ESR2: variants seen among roughly 807,000 people sequenced by gnomAD.
ESR2 encodes the protein estrogen receptor 2, also known as estrogen receptor beta.
A neutral mutation model predicts 49.6 loss-of-function variants in ESR2; 36 were observed. The ratio of observed to expected loss-of-function variants is 0.73; its 90% CI spans 0.56 to 0.96. The LOEUF is 0.96. Among genes scored for constraint, ESR2 ranks in the 40% least tolerant of loss-of-function variants. The pLI, the probability that ESR2 is intolerant of heterozygous loss-of-function variation, is 0.00. For missense variants in ESR2, 714 were observed against 693.0 expected (o/e 1.03, Z -0.34); for synonymous variants, 320 against 266.1 (o/e 1.20, Z -1.97).
intron 5 of ESR2, among the ~76,000 whole-genome samples, chr14:64,258,878 T>A (rs1252833339): frequency 6.6e-6 from 1 of 152,150 alleles, no homozygotes; most frequent in Non-Finnish European, 1.5e-5. Flanking sequence ...ATTTTTTGGT[T>A]TGGACAATGA....
chr14:64,260,018 A>T (rs1207735070), intron 5 of ESR2, among the ~76,000 whole-genome samples: 7 of 152,108 alleles, frequency 4.6e-5, no homozygotes, highest in Admixed American at 4.6e-4. Context: ...GAGCCTAGGT[A>T]GGTTCCCTGG....
At chr14:64,312,269 A>C (rs1242850596) in intron 1 of ESR2, among the ~76,000 whole-genome samples, 2 of 152,238 alleles carry the variant, frequency 1.3e-5, no homozygotes, top group African/African-American at 4.8e-5. Flanking sequence ...AAAATGTTTC[A>C]GGAACAAGCA....
intron 1 of ESR2, among the ~76,000 whole-genome samples, chr14:64,309,157 T>A (rs143284927): frequency 1.3e-5 from 2 of 152,150 alleles, no homozygotes; most frequent in Admixed American, 1.3e-4. Flanking sequence ...ACCACAAAAG[T>A]GGAATTATCT....
intron 7 of ESR2, among the ~76,000 whole-genome samples, chr14:64,244,408 A>G (rs1596379459): frequency 6.6e-6 from 1 of 152,116 alleles, no homozygotes; most frequent in East Asian, 1.9e-4. Flanking sequence ...TCAAAAAAAA[A>G]AAAAAAGAAA....
At chr14:64,332,420 A>C (rs1021853961) in intron 1 of ESR2, 4 of 152,204 alleles carry the variant, frequency 2.6e-5, no homozygotes, top group African/African-American at 9.6e-5. Flanking sequence ...ATCTGGATAG[A>C]AAAGCTTTTC....
At chr14:64,277,544 G>A (rs1468198798) in intron 3 of ESR2, among the ~76,000 whole-genome samples, 1 of 146,214 alleles carries the variant, frequency 6.8e-6, no homozygotes, top group East Asian at 2.1e-4. Context: ...AGAATGGTGT[G>A]AATCTGGGAG....
At chr14:64,245,372 C>T (rs897417011) in intron 7 of ESR2, among the ~76,000 whole-genome samples, 12 of 151,670 alleles carry the variant, frequency 7.9e-5, no homozygotes, top group South Asian at 2.1e-4. Context: ...ATTAGCCAGG[C>T]GTGGTGGTGG....
intron 1 of ESR2, among the ~76,000 whole-genome samples, chr14:64,310,286 A>AAAAAAAAAATAAAAAATAATAAT (rs1555595498): frequency 8.4e-5 from 12 of 142,468 alleles, no homozygotes; most frequent in African/African-American, 3.2e-4. Context: ...TCGTCTCAAA[A>AAAAAAAAAATAAAAAATAATAAT]AATAATAATA....
chr14:64,230,043 G>A lies in ESR2; in HGVS notation c.*3094C>T, dbSNP rs775100874. On this transcript the variant is annotated 3_prime_UTR_variant, in exon 9 of 9. Coordinates refer to ENST00000341099, the MANE Select transcript of ESR2 (RefSeq NM_001437.3). ...ATATTAAAAGAATTAGCCAGGAGTG[G>A]TGGTGTGCACCCCAGCTACTCGGCG... Among the ~76,000 whole-genome samples, 5 of 151,928 alleles carry A rather than the reference G, an allele frequency of 3.3e-5. No individual in the cohort carries two copies. The highest frequency in any genetic ancestry group is 6.6e-5 in the Admixed American group (1 of 15,252).
chr14:64,234,977 G>C lies in ESR2; in HGVS notation c.1399C>G (p.His467Asp). 1 of 1,614,098 alleles carries C rather than the reference G, an allele frequency of 6.2e-7. No homozygotes were observed. The highest frequency in any genetic ancestry group is 8.5e-7 in the Non-Finnish European group (1 of 1,179,968). ...GCTCCTTAGGGCGCGTACCTCGCAT[G>C]CCTGACGTGGGACAGGAGCATCAGG... ...NLLMLLSHVR[H>D]ASNKGMEHLL... The change falls in exon 8 of 9, where the codon CAT becomes GAT. Residue 467 changes from histidine to aspartate, a missense_variant. Physicochemically the swap from His to Asp is moderately conservative, Grantham distance 81. Transcript: ENST00000341099.
intron 7 of ESR2, among the ~76,000 whole-genome samples, chr14:64,236,574 A>T (rs769750060): frequency 2.0e-5 from 3 of 151,986 alleles, no homozygotes; most frequent in Non-Finnish European, 4.4e-5. Flanking sequence ...CGCTTCTCTC[A>T]TCTGCAGTTC....
upstream of ESR2, among the ~76,000 whole-genome samples, chr14:64,296,775 A>T (rs2076962555): frequency 6.6e-6 from 1 of 152,210 alleles, no homozygotes; most frequent in Admixed American, 6.5e-5. Flanking sequence ...TCAAACACCC[A>T]CAGAAGCTGT....
intron 1 of ESR2, among the ~76,000 whole-genome samples, chr14:64,328,802 A>T (rs148509317): frequency 3.8e-4 from 58 of 152,304 alleles, no homozygotes; most frequent in African/African-American, 1.4e-3. Context: ...AATATTTAGC[A>T]ATTTGTCTAA....
rs535038091 is a variant in ESR2, at chr14:64,241,855, C to T, written c.1226-6705G>A. Among the ~76,000 whole-genome samples, 19 of 152,338 alleles carry T rather than the reference C, an allele frequency of 1.2e-4. 2 individuals carry two copies. The South Asian group carries it at 3.9e-3, about 32-fold the overall frequency. ...TCATGTTTTTAAATAAAGACTTTCA[C>T]TTCTACCTTTCCAATATTGATGCCT... is the stretch of plus-strand genomic sequence containing the variant. On this transcript the variant is annotated intron_variant, in intron 7 of 8. Coordinates refer to ENST00000341099, the MANE Select transcript of ESR2 (RefSeq NM_001437.3).
chr14:64,313,618 G>A (rs1351001563), intron 1 of ESR2, among the ~76,000 whole-genome samples: 7 of 151,638 alleles, frequency 4.6e-5, no homozygotes, highest in South Asian at 2.1e-4. Flanking sequence ...GGCCAGGCGC[G>A]GTGGCTCACG....
At chr14:64,271,112 T>C (rs199702702) in intron 3 of ESR2, among the ~76,000 whole-genome samples, 1 of 149,740 alleles carries the variant, frequency 6.7e-6, no homozygotes, top group East Asian at 1.9e-4. Context: ...TTTATCATCT[T>C]TTTTTTTTTC....
upstream of ESR2, among the ~76,000 whole-genome samples, chr14:64,296,617 G>T (rs1485613507): frequency 6.6e-6 from 1 of 152,188 alleles, no homozygotes; most frequent in African/African-American, 2.4e-5. Context: ...CAATCAGAAT[G>T]AAAATGGCTT....
At chr14:64,334,790 G>A (rs2077508414) in intron 1 of ESR2, among the ~76,000 whole-genome samples, 1 of 152,218 alleles carries the variant, frequency 6.6e-6, no homozygotes, top group Non-Finnish European at 1.5e-5. Flanking sequence ...CAGATTAAAG[G>A]CGTGTGACGC....
chr14:64,258,922 G>C (rs561247699), intron 5 of ESR2, among the ~76,000 whole-genome samples: 1 of 152,076 alleles, frequency 6.6e-6, no homozygotes. Context: ...AAAAAATCAC[G>C]CCTTCAGATT....
Sources: gnomAD v4.1 joint callset for allele counts (sites outside exome capture counted in the v4.1 genomes callset) on GRCh38, gnomAD v4.1.1 for gene constraint, MANE v1.5 for transcripts, NCBI Gene and HGNC (gene_info 2026-07-23, HGNC 2026-07-21) for gene names.